Variants in TRDN observed in about 807,000 individuals in gnomAD.
TRDN encodes the protein triadin in skeletal muscle.
TRDN carries 161 observed loss-of-function variants against 149.7 expected under a neutral mutation model. The ratio of observed to expected loss-of-function variants is 1.08; its 90% CI spans 0.95 to 1.23. The LOEUF (loss-of-function observed/expected upper bound fraction) is 1.23. Ranked by LOEUF, TRDN falls within the 50% of genes most tolerant of loss-of-function variation. The pLI is 0.00. For synonymous variants in TRDN, 294 were observed against 250.5 expected (o/e 1.17, Z -1.64); for missense variants, 896 against 823.5 (o/e 1.09, Z -1.08).
chr6:123,453,553 A>G (rs934014034), intron 10 of TRDN, among the ~76,000 whole-genome samples: 1 of 152,142 alleles, frequency 6.6e-6, no homozygotes, highest in Admixed American at 6.5e-5. Flanking sequence ...CAAAACCACA[A>G]TGAAACACCA....
intron 21 of TRDN, among the ~76,000 whole-genome samples, chr6:123,340,934 A>G (rs1315805059): frequency 2.0e-5 from 3 of 152,032 alleles, no homozygotes; most frequent in Non-Finnish European, 4.4e-5. Context: ...TTTAATAGTG[A>G]TTAATTGCAT....
intron 9 of TRDN, among the ~76,000 whole-genome samples, chr6:123,490,602 T>C (rs563634667): frequency 1.1e-3 from 163 of 152,302 alleles, no homozygotes; most frequent in African/African-American, 3.7e-3. Flanking sequence ...ATTTATCCTG[T>C]TATATTTTGT....
chr6:123,390,064 C>G (rs950107600), intron 13 of TRDN, among the ~76,000 whole-genome samples: 3 of 152,004 alleles, frequency 2.0e-5, no homozygotes, highest in African/African-American at 7.2e-5. Flanking sequence ...GGGGAACTCT[C>G]TAAAGAAAGA....
At chr6:123,243,543 T>C (rs1416765965) in intron 38 of TRDN, among the ~76,000 whole-genome samples, 1 of 151,980 alleles carries the variant, frequency 6.6e-6, no homozygotes, top group Non-Finnish European at 1.5e-5. Context: ...AGGAAAACAA[T>C]TTAGGATATG....
intron 20 of TRDN, among the ~76,000 whole-genome samples, chr6:123,360,812 A>C (rs958719558): frequency 1.3e-5 from 2 of 152,178 alleles, no homozygotes; most frequent in African/African-American, 4.8e-5. Flanking sequence ...CATTTCCAAG[A>C]TGAGGAACAA....
At chr6:123,488,236 G>C (rs1778056375) in intron 9 of TRDN, among the ~76,000 whole-genome samples, 1 of 152,026 alleles carries the variant, frequency 6.6e-6, no homozygotes, top group Non-Finnish European at 1.5e-5. Flanking sequence ...GCACTATATA[G>C]ATGTCACAGT....
chr6:123,255,768 T>C (rs1776534110), intron 36 of TRDN, 99 bp downstream of exon 36: 1 of 738,506 alleles, frequency 1.4e-6, no homozygotes, highest in African/African-American at 1.9e-5. Flanking sequence ...TCACATACAT[T>C]TAGAAAAGTT....
At chr6:123,503,434 T>G (rs1274687820) in intron 8 of TRDN, 1 of 985,174 alleles carries the variant, frequency 1.0e-6, no homozygotes, top group Non-Finnish European at 1.2e-6. Flanking sequence ...TCTCAAAAAT[T>G]CAACATTTAT....
intron 5 of TRDN, among the ~76,000 whole-genome samples, chr6:123,516,799 C>T (rs1779431508): frequency 6.6e-6 from 1 of 151,992 alleles, no homozygotes; most frequent in African/African-American, 2.4e-5. Flanking sequence ...TAATCTTACC[C>T]CATACCTTAG....
intron 24 of TRDN, among the ~76,000 whole-genome samples, chr6:123,301,237 A>G (rs1778385191): frequency 1.3e-5 from 2 of 152,160 alleles, no homozygotes; most frequent in East Asian, 1.9e-4. Context: ...TTCAAGTTCT[A>G]TGTTTTGTAG....
At chr6:123,359,347 T>C (rs1181865730) in intron 20 of TRDN, among the ~76,000 whole-genome samples, 1 of 152,206 alleles carries the variant, frequency 6.6e-6, no homozygotes, top group Non-Finnish European at 1.5e-5. Flanking sequence ...GAGCCAGTTC[T>C]TGGGGCACTC....
chr6:123,575,435 A>G (rs1009149204), intron 1 of TRDN, among the ~76,000 whole-genome samples: 7 of 152,048 alleles, frequency 4.6e-5, no homozygotes, highest in African/African-American at 1.7e-4. Context: ...AATGTTTGAG[A>G]AGCACTTTAA....
At chr6:123,486,266 T>C (rs1374746655) in intron 9 of TRDN, among the ~76,000 whole-genome samples, 1 of 151,696 alleles carries the variant, frequency 6.6e-6, no homozygotes. Flanking sequence ...TTTTTTTTTT[T>C]AACCACTGTT....
intron 9 of TRDN, chr6:123,471,215 T>A (rs889136185): frequency 2.0e-5 from 3 of 152,164 alleles, no homozygotes; most frequent in African/African-American, 7.2e-5. Context: ...GAAAAATACA[T>A]CAAGGATGAT....
intron 24 of TRDN, among the ~76,000 whole-genome samples, chr6:123,284,879 T>A (rs376516002): frequency 3.9e-5 from 6 of 152,022 alleles, no homozygotes; most frequent in African/African-American, 1.4e-4. Flanking sequence ...GTGACCAAGC[T>A]GAGACTCGAA....
At chr6:123,504,578 T>C (rs1320357365) in intron 7 of TRDN, among the ~76,000 whole-genome samples, 1 of 152,092 alleles carries the variant, frequency 6.6e-6, no homozygotes, top group Non-Finnish European at 1.5e-5. Flanking sequence ...ATTCTACTAG[T>C]TTTTAAAGCC....
intron 10 of TRDN, among the ~76,000 whole-genome samples, chr6:123,448,633 A>G (rs1775554140): frequency 6.6e-6 from 1 of 151,900 alleles, no homozygotes; most frequent in African/African-American, 2.4e-5. Context: ...CCCCCGTTTG[A>G]TGGTCCTTCC....
chr6:123,259,750 CTT>C, intron 34 of TRDN, 88 bp from the exon 35 acceptor site: 4 of 945,296 alleles, frequency 4.2e-6, no homozygotes, highest in South Asian at 1.7e-5. Flanking sequence ...GGAGATGAGA[CTT>C]AATCTTATGA....
intron 12 of TRDN, among the ~76,000 whole-genome samples, chr6:123,434,585 T>A (rs1349893510): frequency 6.6e-6 from 1 of 152,146 alleles, no homozygotes; most frequent in Non-Finnish European, 1.5e-5. Flanking sequence ...AGGTACTCAG[T>A]TCCCTGTATA....
Sources: allele counts gnomAD v4.1 joint callset (sites outside exome capture counted in the v4.1 genomes callset), GRCh38; gene constraint gnomAD v4.1.1; transcripts MANE v1.5; gene names NCBI Gene and HGNC (gene_info 2026-07-23, HGNC 2026-07-21).